Variants in ADGRG2 observed in about 807,000 individuals in gnomAD.
ADGRG2 encodes adhesion G protein-coupled receptor G2.
In ADGRG2, 26 loss-of-function variants were observed where a neutral mutation model predicts 74.1. The ratio of observed to expected loss-of-function variants is 0.35; its 90% CI spans 0.26 to 0.49. The LOEUF is 0.49. Ranked by LOEUF, ADGRG2 falls within the 20% of genes least tolerant of loss-of-function variation. The pLI is 0.99. For synonymous variants in ADGRG2, 296 were observed against 295.2 expected (o/e 1.00, Z -0.03); for missense variants, 619 against 763.1 (o/e 0.81, Z 2.22).
chrX:19,044,665 G>A (rs932654295), intron 3 of ADGRG2, among the ~76,000 whole-genome samples: 6 of 110,786 alleles, frequency 5.4e-5, no homozygotes, highest in African/African-American at 2.0e-4. Context: ...CAATAGAGTC[G>A]AGTCTACAAA....
In ADGRG2 at chrX:19,010,636, G is replaced by A; in HGVS notation, c.1242C>T (p.Asp414=). The part of the protein sequence containing the change: ...QVSRLLHSPP[D]MLAPLAQRLL... ...ACCTTTGAGCCAGAGGGGCCAGCAT[G>A]TCAGGCGGGGAATGAAGGAGTCTGC... The change falls in exon 17 of 29, where the codon GAC becomes GAT. Residue 414 remains aspartate (D), a synonymous_variant. Transcript: ENST00000379869. 1.7e-6 allele frequency: 2 copies of A among 1,208,518 alleles called. No homozygotes were observed. The highest frequency in any genetic ancestry group is 1.8e-5 in the South Asian group (1 of 56,420).
At chrX:19,118,052 C>T (rs2062554109) in intron 1 of ADGRG2, among the ~76,000 whole-genome samples, 1 of 111,346 alleles carries the variant, frequency 9.0e-6, no homozygotes, top group Non-Finnish European at 1.9e-5. Context: ...ATTAAGGTAG[C>T]CACCAGAACC....
intron 2 of ADGRG2, among the ~76,000 whole-genome samples, chrX:19,082,359 C>A (rs1337364875): frequency 9.0e-6 from 1 of 111,014 alleles, no homozygotes; most frequent in Non-Finnish European, 1.9e-5. Context: ...AAACAGAATC[C>A]CAAATAATTC....
At chrX:19,047,508 G>A (rs918008910) in intron 3 of ADGRG2, among the ~76,000 whole-genome samples, 2 of 112,170 alleles carry the variant, frequency 1.8e-5, no homozygotes, top group Non-Finnish European at 3.8e-5. Context: ...ACTACTATGA[G>A]TATTTACTTC....
intron 1 of ADGRG2, among the ~76,000 whole-genome samples, chrX:19,107,300 GT>G (rs1431701408): frequency 8.9e-6 from 1 of 112,256 alleles, no homozygotes; most frequent in Non-Finnish European, 1.9e-5. Context: ...TCTGCTAATC[GT>G]TTTCCCTGCC....
At chrX:19,096,706 T>TAA (rs1981331128) in intron 1 of ADGRG2, among the ~76,000 whole-genome samples, 1 of 112,125 alleles carries the variant, frequency 8.9e-6, no homozygotes, top group Admixed American at 9.5e-5. Flanking sequence ...GTCATGATGA[T>TAA]AACAGCCAGT....
chrX:19,017,274 T>G (rs1281152252), intron 15 of ADGRG2, among the ~76,000 whole-genome samples: 4 of 112,153 alleles, frequency 3.6e-5, no homozygotes, highest in Non-Finnish European at 7.5e-5. Context: ...ATTTGAGAAG[T>G]GTTGATCCAG....
rs1003132393 is a variant in ADGRG2, at chrX:19,111,737, G to A, written c.-47+10705C>T. ...GAATTGATGAAGATATTAGACATTAGAGCAGGATTGTAAGCTGATGGGAAT... is the reference window on the plus strand; with the variant it reads ...GAATTGATGAAGATATTAGACATTAAAGCAGGATTGTAAGCTGATGGGAAT... On this transcript the variant is annotated intron_variant, in intron 1 of 28. Coordinates refer to ENST00000379869, the MANE Select transcript of ADGRG2 (RefSeq NM_001079858.3). 6.3e-5 allele frequency among the ~76,000 whole-genome samples: 7 copies of A among 111,274 alleles called. No homozygotes were observed. In the Admixed American group the frequency reaches 6.8e-4, roughly 11 times the overall value.
At chrX:19,065,826 T>A (rs1400528315) in intron 3 of ADGRG2, among the ~76,000 whole-genome samples, 2 of 111,789 alleles carry the variant, frequency 1.8e-5, no homozygotes, top group Non-Finnish European at 3.8e-5. Flanking sequence ...CCTAAGGAGA[T>A]GGTGCGTGTG....
chrX:19,062,013 T>TG (rs1186963066), intron 3 of ADGRG2, among the ~76,000 whole-genome samples: 1 of 111,617 alleles, frequency 9.0e-6, no homozygotes, highest in African/African-American at 3.3e-5. Flanking sequence ...CATCCAGGCC[T>TG]GGGGGGTCCT....
intron 27 of ADGRG2, 103 bp from the exon 28 acceptor site, chrX:18,995,151 T>C: frequency 1.9e-6 from 1 of 537,358 alleles, no homozygotes; most frequent in Non-Finnish European, 3.0e-6. Context: ...GATTTCTCAC[T>C]TCAGGATCTT....
At chrX:19,022,872 T>C (rs1053924956) in intron 13 of ADGRG2, among the ~76,000 whole-genome samples, 5 of 111,607 alleles carry the variant, frequency 4.5e-5, no homozygotes, top group Non-Finnish European at 9.4e-5. Context: ...AATTTTTGTA[T>C]TTTTAGTAGA....
intron 3 of ADGRG2, among the ~76,000 whole-genome samples, chrX:19,058,783 T>C (rs73191598): frequency 0.025 from 2,836 of 112,428 alleles, 35 homozygotes; most frequent in Middle Eastern, 0.06. Context: ...TTTACAGCCC[T>C]GTGATCTTGT....
In ADGRG2 at chrX:19,023,180, C is replaced by T. The variant is rs182057806; in HGVS notation, c.548+236G>A. Among the ~76,000 whole-genome samples, 420 of 107,641 alleles carry T rather than the reference C, an allele frequency of 3.9e-3. 1 individual carries two copies. Among genetic ancestry groups the T allele is most frequent in the Non-Finnish European group, 5.4e-3 (279 of 51,713 alleles). 93.5% of individuals were successfully genotyped at this position (107,641 alleles called of 115,157 possible). A position where few individuals can be genotyped will look rare whatever the true frequency, so the allele number is the denominator to read the frequency against. ...CTGATGACCCTTAGCCTTGTGGAACCGGAGGTAAATGGCCCGATACTACAC... is the reference window on the plus strand; with the variant it reads ...CTGATGACCCTTAGCCTTGTGGAACTGGAGGTAAATGGCCCGATACTACAC... On this transcript the variant is annotated intron_variant, in intron 13 of 28. Coordinates refer to ENST00000379869, the MANE Select transcript of ADGRG2 (RefSeq NM_001079858.3).
rs192457736 is a variant in ADGRG2, at chrX:19,104,842, G to A, written c.-47+17600C>T. The stretch of plus-strand genomic sequence containing the variant: ...TGAGGGAGCAGAATCGCTTGAACCC[G>A]AGAGGTGGAGGTTGCAGTGAGCCAA... On this transcript the variant is annotated intron_variant, in intron 1 of 28. Coordinates refer to ENST00000379869, the MANE Select transcript of ADGRG2 (RefSeq NM_001079858.3). 7.1e-3 allele frequency among the ~76,000 whole-genome samples: 726 copies of A among 101,888 alleles called. 3 individuals carry two copies. The highest frequency in any genetic ancestry group is 0.024 in the African/African-American group (659 of 27,389). 88.5% of individuals were successfully genotyped at this position (101,888 alleles called of 115,157 possible).
intron 9 of ADGRG2, among the ~76,000 whole-genome samples, chrX:19,029,952 C>T (rs2060791316): frequency 8.9e-6 from 1 of 111,733 alleles, no homozygotes; most frequent in African/African-American, 3.2e-5. Flanking sequence ...ATATTTTCCT[C>T]CTATATTCTA....
intron 7 of ADGRG2, chrX:19,034,962 A>AT (rs1252143479): frequency 3.6e-5 from 4 of 111,772 alleles, no homozygotes; most frequent in African/African-American, 1.3e-4. Flanking sequence ...TAAATATATT[A>AT]TTTTGTTTGC....
At position 19,031,810 on chromosome X, in the gene ADGRG2, T is replaced by G; in HGVS notation, c.305-773A>C. On this transcript the variant is annotated intron_variant, in intron 8 of 28. Coordinates refer to ENST00000379869, the MANE Select transcript of ADGRG2 (RefSeq NM_001079858.3). ...CTTTCTCCTTTGGTGAGAGGAGAAG[T>G]GTATCTCTTCTTCAATTTGAAAAGA... The G allele has an allele frequency of 2.7e-5, 3 of 111,941 alleles. No individual in the cohort carries two copies. The East Asian group carries it at 8.4e-4, about 31-fold the overall frequency. 9.2% of individuals were successfully genotyped at this position (111,941 alleles called of 1,213,427 possible). A position where few individuals can be genotyped will look rare whatever the true frequency, so the allele number is the denominator to read the frequency against.
Position 19,007,372 on chromosome X carries a change from T to C in ADGRG2, c.1567-15A>G, listed in dbSNP as rs779521405. On this transcript the variant is annotated splice_polypyrimidine_tract_variant and intron_variant, in intron 19 of 28. Coordinates refer to ENST00000379869, the MANE Select transcript of ADGRG2 (RefSeq NM_001079858.3). Reference sequence around the variant, plus strand: ...AGGGAAGGATCCTGGCACATCAAGATGGCAAGGGTAAATGAGATATTGTCA... The same window carrying C: ...AGGGAAGGATCCTGGCACATCAAGACGGCAAGGGTAAATGAGATATTGTCA... The C allele has an allele frequency of 1.7e-6, 2 of 1,200,383 alleles. No individual in the cohort carries two copies.
Sources: allele counts gnomAD v4.1 joint callset (sites outside exome capture counted in the v4.1 genomes callset), GRCh38; gene constraint gnomAD v4.1.1; transcripts MANE v1.5; gene names NCBI Gene and HGNC (gene_info 2026-07-23, HGNC 2026-07-21).